Variants in EPHA6 observed in about 807,000 individuals in gnomAD.
EPHA6 encodes ephrin type-A receptor 6.
In EPHA6, 50 loss-of-function variants were observed where a neutral mutation model predicts 112.0. The observed-to-expected ratio is 0.45, with a 90% confidence interval of 0.36 to 0.56. The LOEUF is 0.56. EPHA6 is among the 20% of genes least tolerant of loss of function. The probability of loss-of-function intolerance (pLI) is 0.00; values close to 1 mark genes in which losing one functional copy is unlikely to be tolerated. For synonymous variants in EPHA6, 529 were observed against 490.7 expected, an observed-to-expected ratio of 1.08 and a Z score of -1.03; for missense variants, 1,280 against 1,417.4, an observed-to-expected ratio of 0.90 and a Z score of 1.56.
intron 3 of EPHA6, among the ~76,000 whole-genome samples, chr3:97,056,204 C>A (rs924402043): frequency 3.3e-5 from 5 of 152,096 alleles, no homozygotes; most frequent in African/African-American, 1.2e-4. Flanking sequence ...GCAAACCTAC[C>A]TTACGTCTAT....
intron 3 of EPHA6, among the ~76,000 whole-genome samples, chr3:97,118,789 A>C (rs1314661407): frequency 6.6e-6 from 1 of 151,976 alleles, no homozygotes; most frequent in Non-Finnish European, 1.5e-5. Context: ...TATAGAGGCT[A>C]TTGTGAAGAT....
chr3:97,550,285 T>C (rs937642984), intron 11 of EPHA6, among the ~76,000 whole-genome samples: 1 of 152,230 alleles, frequency 6.6e-6, no homozygotes, highest in Non-Finnish European at 1.5e-5. Flanking sequence ...ACAATAAGAA[T>C]ATGTGGATGA....
intron 3 of EPHA6, among the ~76,000 whole-genome samples, chr3:97,083,562 C>T (rs997423542): frequency 4.0e-5 from 6 of 151,812 alleles, no homozygotes; most frequent in African/African-American, 9.7e-5. Context: ...TTCTCTATAG[C>T]GTTTTTATCA....
In EPHA6 at chr3:97,020,543, A is replaced by T. The variant is rs529937433; in HGVS notation, c.1114+32550A>T. Among the ~76,000 whole-genome samples the T allele has an allele frequency of 4.6e-5, 7 of 152,306 alleles. No individual in the cohort carries two copies. The East Asian group carries it at 1.4e-3, about 29-fold the overall frequency. On this transcript the variant is annotated intron_variant, in intron 3 of 17. Coordinates refer to ENST00000389672, the MANE Select transcript of EPHA6 (RefSeq NM_001080448.3). ...GAGAGACAGAGCTATAGCAATGCTA[A>T]CAAGAACAGAACACTAAGAATTGTA...
chr3:97,191,070 CTTG>C (rs1257962442), intron 3 of EPHA6, among the ~76,000 whole-genome samples: 1 of 152,098 alleles, frequency 6.6e-6, no homozygotes, highest in Admixed American at 6.6e-5. Context: ...TGCCATTGTA[CTTG>C]TTGTCTTCTG....
intron 3 of EPHA6, among the ~76,000 whole-genome samples, chr3:97,047,781 T>C (rs1379512592): frequency 6.6e-6 from 1 of 152,056 alleles, no homozygotes; most frequent in East Asian, 1.9e-4. Context: ...GCAATGAGCA[T>C]TGGAGTAATA....
chr3:97,032,404 A>G (rs1212613665), intron 3 of EPHA6, among the ~76,000 whole-genome samples: 2 of 152,076 alleles, frequency 1.3e-5, no homozygotes, highest in Admixed American at 6.6e-5. Flanking sequence ...CCTATGTAAC[A>G]AACCTGCACG....
intron 1 of EPHA6, among the ~76,000 whole-genome samples, chr3:96,832,276 G>A (rs2034132452): frequency 6.6e-6 from 1 of 152,012 alleles, no homozygotes; most frequent in South Asian, 2.1e-4. Context: ...GAGTTTAACA[G>A]TTCAGCCTAG....
At chr3:97,405,334 T>C (rs1424420543) in intron 6 of EPHA6, 60 bp downstream of exon 6, 6 of 1,385,066 alleles carry the variant, frequency 4.3e-6, no homozygotes, top group Admixed American at 4.0e-5. Context: ...ATGTATATAT[T>C]GAGCATGTCG....
At chr3:97,485,168 A>G (rs1308737189) in intron 10 of EPHA6, among the ~76,000 whole-genome samples, 1 of 152,208 alleles carries the variant, frequency 6.6e-6, no homozygotes, top group Non-Finnish European at 1.5e-5. Context: ...CATTCCAGCC[A>G]GGTGTCATGT....
rs2087671288 is a variant in EPHA6 at position 97,410,939 on chromosome 3, C to T, written c.1731+5665C>T. Among the ~76,000 whole-genome samples the T allele has an allele frequency of 2.0e-5, 3 of 151,952 alleles. No homozygotes were observed. In the South Asian group the frequency reaches 6.2e-4, roughly 32 times the overall value. On this transcript the variant is annotated intron_variant, in intron 6 of 17. Transcript: ENST00000389672. ...TACATGATTTGTAGATGTTGTTGAT[C>T]TGTAGGTGTTACATGACATCAGAAC...
chr3:97,118,694 A>G (rs1401099266), intron 3 of EPHA6, among the ~76,000 whole-genome samples: 1 of 151,922 alleles, frequency 6.6e-6, no homozygotes, highest in Admixed American at 6.6e-5. Flanking sequence ...TCCTATTTCC[A>G]GTCTATAGTA....
At chr3:97,671,934 C>T (rs962906857) in intron 14 of EPHA6, among the ~76,000 whole-genome samples, 20 of 152,260 alleles carry the variant, frequency 1.3e-4, no homozygotes, top group African/African-American at 4.8e-4. Context: ...TTTAGATTCT[C>T]ATTTCAGTCT....
At chr3:97,062,611 T>C (rs1011134886) in intron 3 of EPHA6, among the ~76,000 whole-genome samples, 2 of 152,106 alleles carry the variant, frequency 1.3e-5, no homozygotes, top group Non-Finnish European at 2.9e-5. Context: ...AGGGACCCAA[T>C]GGGAGATAAT....
chr3:97,376,110 C>A (rs1454218751), intron 5 of EPHA6, among the ~76,000 whole-genome samples: 1 of 152,096 alleles, frequency 6.6e-6, no homozygotes, highest in Admixed American at 6.6e-5. Context: ...CAAAATTATA[C>A]TTATATTCCA....
At chr3:97,197,623 G>T (rs1036928480) in intron 3 of EPHA6, among the ~76,000 whole-genome samples, 2 of 151,710 alleles carry the variant, frequency 1.3e-5, no homozygotes, top group African/African-American at 2.4e-5. Flanking sequence ...ATTCTGAGTT[G>T]TGCTGCCTGG....
chr3:96,976,381 C>T (rs1473466179), intron 2 of EPHA6, among the ~76,000 whole-genome samples: 1 of 152,018 alleles, frequency 6.6e-6, no homozygotes, highest in Non-Finnish European at 1.5e-5. Flanking sequence ...ACTATATAAA[C>T]TATTAGATTG....
chr3:97,226,721 G>A (rs2078367884), intron 4 of EPHA6, among the ~76,000 whole-genome samples: 1 of 152,184 alleles, frequency 6.6e-6, no homozygotes, highest in African/African-American at 2.4e-5. Flanking sequence ...AGCAGTTGAA[G>A]GCTGCATGAG....
Position 97,488,567 on chromosome 3 carries a change from A to G in EPHA6, c.2200+4508A>G, listed in dbSNP as rs146696313. 2.7e-3 allele frequency among the ~76,000 whole-genome samples: 410 copies of G among 152,220 alleles called. 4 individuals carry two copies. The highest frequency in any genetic ancestry group is 8.6e-3 in the African/African-American group (357 of 41,558). On this transcript the variant is annotated intron_variant, in intron 10 of 17. Transcript: ENST00000389672. Reference sequence around the variant, plus strand: ...TTTTTAGTTATCTTAAAGAAACTGTATTTTTGTTTGTCTTTTACACTTGTG... The same window carrying G: ...TTTTTAGTTATCTTAAAGAAACTGTGTTTTTGTTTGTCTTTTACACTTGTG...
Sources: allele counts gnomAD v4.1 joint callset (sites outside exome capture counted in the v4.1 genomes callset), GRCh38; gene constraint gnomAD v4.1.1; transcripts MANE v1.5; gene names NCBI Gene and HGNC (gene_info 2026-07-23, HGNC 2026-07-21).